Variants in DPP10 observed in about 807,000 individuals in gnomAD.
DPP10 encodes inactive dipeptidyl peptidase 10.
Under a neutral mutation model 120.9 loss-of-function variants are expected in DPP10, and 33 were observed. The observed-to-expected ratio is 0.27, with a 90% CI of 0.21 to 0.37. The LOEUF is 0.37. DPP10 is among the 10% of genes least tolerant of loss of function. The pLI is 1.00. For synonymous variants in DPP10, 337 were observed against 326.1 expected (o/e 1.03, Z -0.36); for missense variants, 816 against 942.8 (o/e 0.87, Z 1.76).
At chr2:114,865,841 G>C (rs557899203) in intron 1 of DPP10, among the ~76,000 whole-genome samples, 2 of 152,078 alleles carry the variant, frequency 1.3e-5, no homozygotes, top group African/African-American at 2.4e-5. Flanking sequence ...GGCCAGACAC[G>C]GTGGTTCACA....
intron 1 of DPP10, among the ~76,000 whole-genome samples, chr2:114,584,008 C>G (rs1690745797): frequency 6.6e-6 from 1 of 152,026 alleles, no homozygotes; most frequent in Admixed American, 6.6e-5. Context: ...AAGGTATTTA[C>G]CTGTTAAGAA....
chr2:115,724,992 C>A (rs771916618), intron 7 of DPP10, among the ~76,000 whole-genome samples: 2 of 152,262 alleles, frequency 1.3e-5, no homozygotes, highest in East Asian at 1.9e-4. Flanking sequence ...TGCCCATGAC[C>A]TAAACACCTC....
intron 1 of DPP10, among the ~76,000 whole-genome samples, chr2:114,619,047 G>T (rs1693884633): frequency 6.6e-6 from 1 of 151,910 alleles, no homozygotes; most frequent in South Asian, 2.1e-4. Flanking sequence ...GGAAAGGAAA[G>T]ACACTGTTGT....
intron 1 of DPP10, among the ~76,000 whole-genome samples, chr2:115,141,838 A>G (rs1292702697): frequency 1.3e-5 from 2 of 152,092 alleles, no homozygotes; most frequent in African/African-American, 2.4e-5. Flanking sequence ...CAGTGGCTCA[A>G]CGTCAGCTCA....
intron 1 of DPP10, among the ~76,000 whole-genome samples, chr2:115,027,640 C>A (rs182134456): frequency 6.8e-4 from 103 of 152,072 alleles, no homozygotes; most frequent in African/African-American, 2.2e-3. Context: ...GTAATCCTGG[C>A]CTTATAAAAT....
At chr2:114,945,291 C>T (rs559374911) in intron 1 of DPP10, among the ~76,000 whole-genome samples, 4 of 152,130 alleles carry the variant, frequency 2.6e-5, no homozygotes, top group Admixed American at 2.0e-4. Context: ...GTTAAGAGAA[C>T]GACTAGACAA....
chr2:115,455,618 T>C (rs991739503), intron 3 of DPP10, among the ~76,000 whole-genome samples: 1 of 151,754 alleles, frequency 6.6e-6, no homozygotes, highest in African/African-American at 2.4e-5. Context: ...CCAAAACAGA[T>C]ATATAGACCA....
intron 3 of DPP10, among the ~76,000 whole-genome samples, chr2:115,457,192 T>C (rs2073627687): frequency 6.6e-6 from 1 of 151,712 alleles, no homozygotes; most frequent in South Asian, 2.1e-4. Context: ...CAACAAATGG[T>C]GATAGGAAAA....
In DPP10 at chr2:115,285,609, C is replaced by T. The variant is rs1449749297; in HGVS notation, c.61-23630C>T. On this transcript the variant is annotated intron_variant, in intron 1 of 25. Transcript: ENST00000410059. The stretch of plus-strand genomic sequence containing the variant: ...GTACCACACTTGGTGGATTAAAGAT[C>T]GATTGATCTCAGCAAGCAAAGAACG... Among the ~76,000 whole-genome samples, 4 of 152,056 alleles carry T rather than the reference C, an allele frequency of 2.6e-5. No homozygotes were observed. In the Middle Eastern group the frequency reaches 0.01, roughly 388 times the overall value.
At chr2:115,171,476 G>C (rs2053332201) in intron 1 of DPP10, among the ~76,000 whole-genome samples, 1 of 151,874 alleles carries the variant, frequency 6.6e-6, no homozygotes, top group African/African-American at 2.4e-5. Context: ...AATGATAAAT[G>C]ATGATAACAT....
At chr2:115,637,812 C>G (rs997095262) in intron 5 of DPP10, among the ~76,000 whole-genome samples, 1 of 152,140 alleles carries the variant, frequency 6.6e-6, no homozygotes, top group Non-Finnish European at 1.5e-5. Flanking sequence ...CCATCCCAGT[C>G]AAACTAAACT....
intron 3 of DPP10, among the ~76,000 whole-genome samples, chr2:115,405,732 C>A (rs919753129): frequency 4.6e-5 from 7 of 152,196 alleles, no homozygotes; most frequent in Non-Finnish European, 5.9e-5. Context: ...ACGACTTTTG[C>A]CTTTTGAAGC....
intron 1 of DPP10, among the ~76,000 whole-genome samples, chr2:114,847,798 A>G (rs369697146): frequency 2.0e-5 from 3 of 152,198 alleles, no homozygotes; most frequent in African/African-American, 7.2e-5. Flanking sequence ...AATCATTAAA[A>G]TGCACAAAAT....
intron 1 of DPP10, among the ~76,000 whole-genome samples, chr2:114,942,362 CATATATATACACACACATAT>C (rs1697013216): frequency 3.3e-5 from 3 of 91,226 alleles, no homozygotes; most frequent in Non-Finnish European, 6.0e-5. Flanking sequence ...TATATATATA[CATATATATACACACACATAT>C]ATATATATAC....
intron 3 of DPP10, among the ~76,000 whole-genome samples, chr2:115,354,082 A>G (rs2064209705): frequency 6.6e-6 from 1 of 152,312 alleles, no homozygotes; most frequent in East Asian, 1.9e-4. Flanking sequence ...ATGTAAAAAA[A>G]GAAGTCATTG....
At chr2:115,157,805 T>C (rs2052024047) in intron 1 of DPP10, among the ~76,000 whole-genome samples, 1 of 152,222 alleles carries the variant, frequency 6.6e-6, no homozygotes, top group Non-Finnish European at 1.5e-5. Flanking sequence ...ACACAGCTCG[T>C]GAACTCTGTC....
At chr2:115,302,233 C>A (rs1198708963) in intron 1 of DPP10, among the ~76,000 whole-genome samples, 1 of 151,892 alleles carries the variant, frequency 6.6e-6, no homozygotes, top group Non-Finnish European at 1.5e-5. Flanking sequence ...CCACCAGGCC[C>A]CTTCTCCAGT....
At chr2:114,660,108 T>C (rs1697281235) in intron 1 of DPP10, among the ~76,000 whole-genome samples, 1 of 152,118 alleles carries the variant, frequency 6.6e-6, no homozygotes, top group South Asian at 2.1e-4. Context: ...GGAAGGAAGC[T>C]GGTAGAGCAC....
At chr2:115,617,222 C>A (rs899062974) in intron 5 of DPP10, among the ~76,000 whole-genome samples, 1 of 145,828 alleles carries the variant, frequency 6.9e-6, no homozygotes, top group Non-Finnish European at 1.5e-5. Flanking sequence ...ATGCTTAAAA[C>A]CATGGATAGT....
Sources: gnomAD v4.1 joint callset for allele counts (sites outside exome capture counted in the v4.1 genomes callset) on GRCh38, gnomAD v4.1.1 for gene constraint, MANE v1.5 for transcripts, NCBI Gene and HGNC (gene_info 2026-07-23, HGNC 2026-07-21) for gene names.